HMGB1: variants seen among roughly 807,000 people sequenced by gnomAD.
The protein encoded by HMGB1 is high mobility group box 1, also known as high mobility group protein B1.
For synonymous variants in HMGB1, 81 were observed against 84.0 expected, an observed-to-expected ratio of 0.96 and a Z score of 0.19; for missense variants, 79 against 253.5, an observed-to-expected ratio of 0.31 and a Z score of 4.67.
At chr13:30,464,676 GCA>G in intron 1 of HMGB1, 1 of 974,964 alleles carries the variant, frequency 1.0e-6, no homozygotes, top group Non-Finnish European at 1.2e-6. Flanking sequence ...GGGCCGGCGC[GCA>G]CGGAATGGCC....
At chr13:30,594,314 T>C (rs1323492581) in intron 1 of HMGB1, among the ~76,000 whole-genome samples, 1 of 152,234 alleles carries the variant, frequency 6.6e-6, no homozygotes, top group African/African-American at 2.4e-5. Context: ...AATGTTCCTG[T>C]TGCCACAACA....
At chr13:30,591,825 A>G (rs1394709558) in intron 1 of HMGB1, among the ~76,000 whole-genome samples, 1 of 152,202 alleles carries the variant, frequency 6.6e-6, no homozygotes, top group Non-Finnish European at 1.5e-5. Context: ...CTTATTCTAT[A>G]TTAACAATAT....
chr13:30,540,582 C>CT (rs373841770), intron 1 of HMGB1: 5,571 of 132,592 alleles, frequency 0.042, 166 homozygotes, highest in Non-Finnish European at 0.056. Flanking sequence ...ACACTTTAGT[C>CT]TTTTTTTTTT....
intron 1 of HMGB1, among the ~76,000 whole-genome samples, chr13:30,497,805 G>A (rs966329733): frequency 7.2e-5 from 11 of 152,084 alleles, no homozygotes; most frequent in African/African-American, 2.7e-4. Flanking sequence ...TTATGGCTGG[G>A]TAGTATTCCA....
chr13:30,570,711 A>G (rs1357796077), intron 1 of HMGB1, among the ~76,000 whole-genome samples: 1 of 152,188 alleles, frequency 6.6e-6, no homozygotes. Flanking sequence ...TTACTTCTTC[A>G]TATCAAAGGA....
chr13:30,479,812 G>T (rs1196162302), intron 1 of HMGB1, among the ~76,000 whole-genome samples: 4 of 152,200 alleles, frequency 2.6e-5, no homozygotes, highest in Non-Finnish European at 5.9e-5. Flanking sequence ...CACTGTAAAT[G>T]ATCAACAGAT....
chr13:30,490,453 C>T (rs1379348318), intron 1 of HMGB1, among the ~76,000 whole-genome samples: 1 of 151,996 alleles, frequency 6.6e-6, no homozygotes, highest in Non-Finnish European at 1.5e-5. Flanking sequence ...AACCCTGTCT[C>T]TAATAGAAAT....
At chr13:30,527,542 G>C (rs1477642119) in intron 1 of HMGB1, among the ~76,000 whole-genome samples, 6 of 151,982 alleles carry the variant, frequency 3.9e-5, no homozygotes, top group Non-Finnish European at 8.8e-5. Flanking sequence ...GAGAAAGTGG[G>C]CTGTCACTTC....
At chr13:30,517,161 GGC>G (rs1188831509) in intron 1 of HMGB1, among the ~76,000 whole-genome samples, 1 of 152,200 alleles carries the variant, frequency 6.6e-6, no homozygotes, top group Admixed American at 6.5e-5. Context: ...CCTCCTGGAA[GGC>G]TTGGTAAAGT....
At chr13:30,583,863 G>GAAAGAAAT (rs1871026332) in intron 1 of HMGB1, among the ~76,000 whole-genome samples, 1 of 147,850 alleles carries the variant, frequency 6.8e-6, no homozygotes, top group African/African-American at 2.5e-5. Flanking sequence ...AAGAAAGAAA[G>GAAAGAAAT]AAAGAAGAAA....
At chr13:30,557,671 G>A (rs951253934) in intron 1 of HMGB1, among the ~76,000 whole-genome samples, 19 of 152,132 alleles carry the variant, frequency 1.2e-4, no homozygotes, top group African/African-American at 3.4e-4. Context: ...CACTTCCAGG[G>A]GAAGAGTCTA....
chr13:30,575,599 A>G (rs1300484948), intron 1 of HMGB1, among the ~76,000 whole-genome samples: 2 of 152,188 alleles, frequency 1.3e-5, no homozygotes, highest in African/African-American at 2.4e-5. Context: ...AAATCCTGTA[A>G]AAGAACCCAC....
intron 1 of HMGB1, among the ~76,000 whole-genome samples, chr13:30,535,877 A>T (rs1201742248): frequency 6.6e-6 from 1 of 152,246 alleles, no homozygotes; most frequent in Non-Finnish European, 1.5e-5. Context: ...TGACAAGAGC[A>T]AAACTCTGTC....
At chr13:30,573,157 G>A (rs1276581828) in intron 1 of HMGB1, among the ~76,000 whole-genome samples, 1 of 152,180 alleles carries the variant, frequency 6.6e-6, no homozygotes, top group African/African-American at 2.4e-5. Context: ...ATCTTTGTAA[G>A]TCAGACTCAA....
chr13:30,557,767 C>A (rs555512809), intron 1 of HMGB1, among the ~76,000 whole-genome samples: 12 of 152,214 alleles, frequency 7.9e-5, no homozygotes, highest in Non-Finnish European at 1.8e-4. Flanking sequence ...TCTTTTTAGT[C>A]TTTGACTGAA....
At chr13:30,525,785 C>G (rs767879811) in intron 1 of HMGB1, among the ~76,000 whole-genome samples, 8 of 151,772 alleles carry the variant, frequency 5.3e-5, no homozygotes, top group Non-Finnish European at 2.9e-5. Flanking sequence ...GGGGAAATGG[C>G]CCCTGTGATT....
chr13:30,506,160 C>G (rs1038234442), intron 1 of HMGB1, among the ~76,000 whole-genome samples: 1 of 152,178 alleles, frequency 6.6e-6, no homozygotes, highest in Non-Finnish European at 1.5e-5. Flanking sequence ...CCCTTTCCAG[C>G]CCCTTCCCAG....
At chr13:30,550,541 G>A (rs9506337) in intron 1 of HMGB1, among the ~76,000 whole-genome samples, 72,445 of 152,064 alleles carry the variant, frequency 0.48, 18,785 homozygotes, top group Middle Eastern at 0.71. Context: ...TTCTCTCTGT[G>A]TAACTACCTA....
chr13:30,558,018 T>C (rs1869762612), intron 1 of HMGB1, among the ~76,000 whole-genome samples: 1 of 152,058 alleles, frequency 6.6e-6, no homozygotes. Flanking sequence ...GAAGGATCCA[T>C]GCTAAAATTG....
Sources: gnomAD v4.1 joint callset for allele counts (sites outside exome capture counted in the v4.1 genomes callset) on GRCh38, gnomAD v4.1.1 for gene constraint, MANE v1.5 for transcripts, NCBI Gene and HGNC (gene_info 2026-07-23, HGNC 2026-07-21) for gene names.